The following ZNF438 variants were observed in gnomAD, a reference collection of about 807,000 sequenced individuals.
ZNF438 encodes the protein zinc finger protein 438.
ZNF438 carries 25 observed loss-of-function variants against 38.0 expected under a neutral mutation model. That is an observed-to-expected ratio of 0.66 (90% CI 0.48 to 0.92). The LOEUF (loss-of-function observed/expected upper bound fraction) is 0.92, where lower values mean the gene tolerates loss of function less well. Ranked by LOEUF, ZNF438 falls within the 40% of genes least tolerant of loss-of-function variation. The pLI, the probability that ZNF438 is intolerant of heterozygous loss-of-function variation, is 0.00. For missense variants in ZNF438, 1,007 were observed against 999.6 expected (o/e 1.01, Z -0.10); for synonymous variants, 372 against 364.1 (o/e 1.02, Z -0.25).
chr10:31,031,622 C>T (rs571161998), intron 1 of ZNF438, among the ~76,000 whole-genome samples: 3 of 152,256 alleles, frequency 2.0e-5, no homozygotes, highest in East Asian at 3.9e-4. Context: ...GGTGCTGGCC[C>T]GGCCCCACGG....
chr10:30,914,979 C>T (rs1589167631), intron 2 of ZNF438, among the ~76,000 whole-genome samples: 1 of 151,966 alleles, frequency 6.6e-6, no homozygotes, highest in East Asian at 1.9e-4. Flanking sequence ...TTACAAAGCT[C>T]AAAACTTGTT....
chr10:30,975,944 A>C (rs1219032374), intron 1 of ZNF438, among the ~76,000 whole-genome samples: 1 of 152,086 alleles, frequency 6.6e-6, no homozygotes, highest in Non-Finnish European at 1.5e-5. Flanking sequence ...CTTAGATCAT[A>C]TTAATGAAAA....
At chr10:30,892,700 T>C (rs2040846799) in intron 3 of ZNF438, among the ~76,000 whole-genome samples, 1 of 152,198 alleles carries the variant, frequency 6.6e-6, no homozygotes, top group Non-Finnish European at 1.5e-5. Flanking sequence ...TCTTTGCACC[T>C]TTCTGGGCAC....
chr10:30,844,755 T>C lies in ZNF438; in HGVS notation c.*206A>G. 3 of 586,372 alleles carry C rather than the reference T, an allele frequency of 5.1e-6. No homozygotes were observed. The South Asian group carries it at 7.9e-5, about 15-fold the overall frequency. The allele number at this position is 586,372 out of a possible 1,614,324, so 36.3% of individuals were successfully genotyped here. A position where few individuals can be genotyped will look rare whatever the true frequency, so the allele number is the denominator to read the frequency against. ...TTAAGAATCAGTACGTATTTTAAAA[T>C]AAGACTGCATATAGTTAGAAAAATA... On this transcript the variant is annotated 3_prime_UTR_variant, in exon 6 of 6. Transcript: ENST00000413025.
Position 31,017,204 on chromosome 10 carries a change from T to C in ZNF438, c.-192+14629A>G, listed in dbSNP as rs114305036. 3.1e-3 allele frequency among the ~76,000 whole-genome samples: 476 copies of C among 152,346 alleles called. 2 individuals are homozygous for C. Among genetic ancestry groups the C allele is most frequent in the African/African-American group, 0.011 (440 of 41,586 alleles). ...GAAAGGAATTGCAAAGTATCTCTGC[T>C]CTAGCAAGAAGGCAAGTCCCTTGGT... On this transcript the variant is annotated intron_variant, in intron 1 of 5. Transcript: ENST00000413025.
chr10:31,002,728 C>G (rs1376410828), intron 1 of ZNF438, among the ~76,000 whole-genome samples: 1 of 152,138 alleles, frequency 6.6e-6, no homozygotes, highest in Non-Finnish European at 1.5e-5. Context: ...AATTCAGGTT[C>G]CCTTATATAA....
chr10:30,983,719 T>C (rs1467137028), intron 1 of ZNF438, among the ~76,000 whole-genome samples: 1 of 152,162 alleles, frequency 6.6e-6, no homozygotes, highest in Non-Finnish European at 1.5e-5. Flanking sequence ...ATTTTTCAAA[T>C]TATTTTTTTT....
At chr10:30,956,230 A>G (rs1228592541) in intron 1 of ZNF438, among the ~76,000 whole-genome samples, 3 of 152,204 alleles carry the variant, frequency 2.0e-5, no homozygotes, top group Non-Finnish European at 4.4e-5. Context: ...AACACAACAT[A>G]AAAAATACCA....
At chr10:30,849,321 A>G (rs1037883666) in exon 5 of ZNF438, 1 of 1,614,200 alleles carries the variant, frequency 6.2e-7, no homozygotes, top group Non-Finnish European at 8.5e-7. Flanking sequence ...GTGGGTGGAC[A>G]AAAGGCACTT....
chr10:31,020,040 C>T (rs754672755), intron 1 of ZNF438, among the ~76,000 whole-genome samples: 25 of 152,096 alleles, frequency 1.6e-4, no homozygotes, highest in Non-Finnish European at 2.9e-4. Context: ...GATAACCTAA[C>T]CTAAGATTCT....
At chr10:31,026,578 AAGTC>A in intron 1 of ZNF438, among the ~76,000 whole-genome samples, 1 of 152,218 alleles carries the variant, frequency 6.6e-6, no homozygotes, top group East Asian at 1.9e-4. Context: ...GATCATTAAA[AAGTC>A]AGGAAACAAC....
chr10:30,969,484 A>G (rs2050511074), intron 1 of ZNF438, among the ~76,000 whole-genome samples: 1 of 152,244 alleles, frequency 6.6e-6, no homozygotes, highest in East Asian at 1.9e-4. Flanking sequence ...AAAGGTGCTC[A>G]TTCTTTCCAT....
chr10:30,875,476 C>T, intron 4 of ZNF438: 1 of 984,742 alleles, frequency 1.0e-6, no homozygotes. Context: ...GATACTTGTT[C>T]CATTATTTTT....
chr10:30,931,753 T>C (rs1001616254), intron 2 of ZNF438, among the ~76,000 whole-genome samples: 5 of 152,214 alleles, frequency 3.3e-5, no homozygotes, highest in Admixed American at 3.3e-4. Context: ...CTTTACACCT[T>C]CTCTATCAGA....
At chr10:30,926,239 A>C (rs2044902588) in intron 2 of ZNF438, among the ~76,000 whole-genome samples, 1 of 152,200 alleles carries the variant, frequency 6.6e-6, no homozygotes, top group Non-Finnish European at 1.5e-5. Flanking sequence ...AACTCGCTGA[A>C]CTCAACACAA....
chr10:30,847,273 G>A (rs1277154465), intron 5 of ZNF438, among the ~76,000 whole-genome samples: 3 of 152,164 alleles, frequency 2.0e-5, no homozygotes, highest in Admixed American at 6.5e-5. Context: ...CCAACTGCAC[G>A]CATTTCCTCT....
intron 4 of ZNF438, among the ~76,000 whole-genome samples, chr10:30,855,200 C>T (rs1401546814): frequency 1.3e-5 from 2 of 152,188 alleles, no homozygotes; most frequent in Non-Finnish European, 2.9e-5. Flanking sequence ...GGCCTGGGAA[C>T]AACAGGACAC....
intron 3 of ZNF438, among the ~76,000 whole-genome samples, chr10:30,906,478 T>G (rs531161384): frequency 6.6e-6 from 1 of 152,306 alleles, no homozygotes; most frequent in Non-Finnish European, 1.5e-5. Flanking sequence ...TTTTAGTGGA[T>G]TCCTTAAGAT....
chr10:30,896,579 A>G (rs2041378475), intron 3 of ZNF438, among the ~76,000 whole-genome samples: 1 of 152,160 alleles, frequency 6.6e-6, no homozygotes. Context: ...GTATGATTCC[A>G]TATATATCAG....
Sources: gnomAD v4.1 joint callset for allele counts (sites outside exome capture counted in the v4.1 genomes callset) on GRCh38, gnomAD v4.1.1 for gene constraint, MANE v1.5 for transcripts, NCBI Gene and HGNC (gene_info 2026-07-23, HGNC 2026-07-21) for gene names.